RBL2: variants seen among roughly 807,000 people sequenced by gnomAD.
RBL2 encodes retinoblastoma-like protein 2.
A neutral mutation model predicts 126.0 loss-of-function variants in RBL2; 56 were observed. The ratio of observed to expected loss-of-function variants is 0.44; its 90% CI spans 0.36 to 0.56. The LOEUF (loss-of-function observed/expected upper bound fraction) is 0.56. RBL2 is among the 20% of genes least tolerant of loss of function. The probability of loss-of-function intolerance (pLI) is 0.00; values close to 1 mark genes in which losing one functional copy is unlikely to be tolerated. For missense variants in RBL2, 1,229 were observed against 1,398.2 expected (o/e 0.88, Z 1.93); for synonymous variants, 454 against 478.5 (o/e 0.95, Z 0.67).
At chr16:53,461,915 C>A (rs1946717266) in intron 10 of RBL2, 65 bp downstream of exon 10, 3 of 1,348,328 alleles carry the variant, frequency 2.2e-6, no homozygotes, top group East Asian at 2.3e-5. Context: ...TCATTTCTTA[C>A]TAACTAAGAA....
In RBL2 at chr16:53,491,234, T is replaced by TATC. The variant is rs1961429078; in HGVS notation, c.*935_*937dup. On this transcript the variant is annotated 3_prime_UTR_variant, in exon 22 of 22. Transcript: ENST00000262133. ...ATGACCTCTTCCTTTAGGAGGGAGT[T>TATC]ATCTAAAAGAAATGTCTATTAAGGT... is the stretch of plus-strand genomic sequence containing the variant. 6.6e-6 allele frequency: 1 copy of TATC among 152,184 alleles called. No homozygotes were observed. The highest frequency in any genetic ancestry group is 2.4e-5 in the African/African-American group (1 of 41,442). 9.4% of individuals were successfully genotyped at this position (152,184 alleles called of 1,614,324 possible).
chr16:53,434,965 T>C (rs1383897076), intron 1 of RBL2, among the ~76,000 whole-genome samples, 169 bp downstream of exon 1: 2 of 152,148 alleles, frequency 1.3e-5, no homozygotes, highest in Non-Finnish European at 2.9e-5. Context: ...CTCCGAGGGC[T>C]AACCCGCTCT....
At chr16:53,459,377 T>C (rs1263836442) in intron 8 of RBL2, 74 bp from the exon 9 acceptor site, 1 of 1,277,324 alleles carries the variant, frequency 7.8e-7, no homozygotes, top group African/African-American at 1.5e-5. Context: ...TGAAGTGAAT[T>C]AAAGTCTTTC....
chr16:53,434,976 C>G (rs2057942438), intron 1 of RBL2, among the ~76,000 whole-genome samples, 180 bp downstream of exon 1: 1 of 152,156 alleles, frequency 6.6e-6, no homozygotes, highest in South Asian at 2.1e-4. Flanking sequence ...AACCCGCTCT[C>G]GCCGCGCTTT....
chr16:53,445,288 C>T (rs1158617693), intron 3 of RBL2, among the ~76,000 whole-genome samples: 1 of 148,360 alleles, frequency 6.7e-6, no homozygotes, highest in Admixed American at 6.7e-5. Flanking sequence ...GCTCATACCA[C>T]TGTACTCCAG....
At chr16:53,473,661 T>C (rs924756916) in intron 17 of RBL2, among the ~76,000 whole-genome samples, 1 of 152,032 alleles carries the variant, frequency 6.6e-6, no homozygotes, top group East Asian at 1.9e-4. Flanking sequence ...CTAATTATCT[T>C]GCTAGAACTT....
intron 21 of RBL2, chr16:53,489,099 T>TGTAC (rs1491116838): frequency 4.6e-5 from 7 of 151,716 alleles, no homozygotes; most frequent in Non-Finnish European, 2.9e-5. Context: ...TGAAGGTACA[T>TGTAC]CTGTTGATAA....
chr16:53,466,471 G>T (rs1038726479), intron 13 of RBL2, among the ~76,000 whole-genome samples: 2 of 151,836 alleles, frequency 1.3e-5, no homozygotes, highest in Non-Finnish European at 2.9e-5. Flanking sequence ...TGTAGAGTCA[G>T]TGGGAGCCCT....
chr16:53,481,504 A>T, intron 20 of RBL2, 167 bp from the exon 21 acceptor site: 1 of 618,018 alleles, frequency 1.6e-6, no homozygotes, highest in Non-Finnish European at 2.6e-6. Context: ...CTAAGCACTT[A>T]AGGTTTGCTA....
intron 9 of RBL2, among the ~76,000 whole-genome samples, chr16:53,460,911 G>C (rs13339450): frequency 0.061 from 9,231 of 152,100 alleles, 873 homozygotes; most frequent in African/African-American, 0.2. Flanking sequence ...AATGCTTCTG[G>C]ATTGAACATA....
At chr16:53,479,103 T>G (rs1233955321) in intron 17 of RBL2, 51 bp from the exon 18 acceptor site, 2 of 1,431,028 alleles carry the variant, frequency 1.4e-6, no homozygotes, top group African/African-American at 2.8e-5. Context: ...CTCCTCACAC[T>G]ATTATGGTGG....
intron 5 of RBL2, 109 bp from the exon 6 acceptor site, chr16:53,453,343 T>C: frequency 1.0e-6 from 1 of 997,798 alleles, no homozygotes; most frequent in East Asian, 2.4e-5. Context: ...TCCTATACAT[T>C]TGTATGCTAA....
intron 14 of RBL2, among the ~76,000 whole-genome samples, chr16:53,468,216 C>T (rs2058288958): frequency 6.6e-6 from 1 of 152,114 alleles, no homozygotes; most frequent in Non-Finnish European, 1.5e-5. Context: ...TAAGAACTGG[C>T]TATAGAAGGA....
intron 21 of RBL2, among the ~76,000 whole-genome samples, chr16:53,487,177 CAG>C (rs1346733129): frequency 6.6e-6 from 1 of 152,154 alleles, no homozygotes; most frequent in Non-Finnish European, 1.5e-5. Context: ...AAAATCCAAA[CAG>C]ATTTATGTAA....
At chr16:53,458,389 C>T (rs1047171208) in intron 8 of RBL2, among the ~76,000 whole-genome samples, 1 of 152,178 alleles carries the variant, frequency 6.6e-6, no homozygotes, top group African/African-American at 2.4e-5. Context: ...CAAGTCACAT[C>T]TTCTCCATAT....
At chr16:53,438,204 G>A (rs902807595) in intron 1 of RBL2, among the ~76,000 whole-genome samples, 1 of 151,986 alleles carries the variant, frequency 6.6e-6, no homozygotes, top group Admixed American at 6.6e-5. Flanking sequence ...CAAAATGACT[G>A]GTACCTCACC....
At chr16:53,467,028 C>A in intron 13 of RBL2, 30 bp from the exon 14 acceptor site, 1 of 1,522,658 alleles carries the variant, frequency 6.6e-7, no homozygotes, top group Non-Finnish European at 9.0e-7. Context: ...TTTTTGGATA[C>A]TGGCATTCTG....
intron 7 of RBL2, 151 bp from the exon 8 acceptor site, chr16:53,454,505 A>G (rs1477485052): frequency 2.9e-6 from 2 of 698,682 alleles, no homozygotes; most frequent in Non-Finnish European, 4.7e-6. Context: ...ACCCAGCTAT[A>G]CTATCCAGTT....
At chr16:53,470,695 G>A in intron 16 of RBL2, 32 bp downstream of exon 16, 2 of 1,612,650 alleles carry the variant, frequency 1.2e-6, no homozygotes, top group East Asian at 2.2e-5. Context: ...CAGAGCATGA[G>A]CTTGGGAAAT....
Sources: allele counts gnomAD v4.1 joint callset (sites outside exome capture counted in the v4.1 genomes callset), GRCh38; gene constraint gnomAD v4.1.1; transcripts MANE v1.5; gene names NCBI Gene and HGNC (gene_info 2026-07-23, HGNC 2026-07-21).